The following PPM1H variants were observed in gnomAD, a reference collection of about 807,000 sequenced individuals.
The protein encoded by PPM1H is protein phosphatase 1H.
Under a neutral mutation model 54.9 loss-of-function variants are expected in PPM1H, and 27 were observed. That is an observed-to-expected ratio of 0.49 (90% CI 0.36 to 0.68). The LOEUF (loss-of-function observed/expected upper bound fraction) is 0.68. PPM1H is among the 30% of genes least tolerant of loss of function. The pLI, the probability that PPM1H is intolerant of heterozygous loss-of-function variation, is 0.00. For synonymous variants in PPM1H, 305 were observed against 270.8 expected, an observed-to-expected ratio of 1.13 and a Z score of -1.24; for missense variants, 596 against 667.8, an observed-to-expected ratio of 0.89 and a Z score of 1.19.
chr12:62,683,032 ATTTATT>A (rs2076029402), intron 8 of PPM1H, among the ~76,000 whole-genome samples: 2 of 126,356 alleles, frequency 1.6e-5, no homozygotes, highest in African/African-American at 5.8e-5. Flanking sequence ...AGAGTTTATT[ATTTATT>A]ATTATTATTA....
intron 1 of PPM1H, among the ~76,000 whole-genome samples, chr12:62,893,359 G>T (rs191135802): frequency 5.7e-4 from 87 of 152,254 alleles, no homozygotes; most frequent in Non-Finnish European, 8.1e-4. Flanking sequence ...CTCCTTGAAG[G>T]TGGTCTTCCC....
intron 1 of PPM1H, among the ~76,000 whole-genome samples, chr12:62,892,261 C>T (rs1870824941): frequency 6.6e-6 from 1 of 152,168 alleles, no homozygotes; most frequent in East Asian, 1.9e-4. Flanking sequence ...ATGTTCTACG[C>T]TTCAACAACA....
In PPM1H at chr12:62,697,721, A is replaced by G. The variant is rs189436836; in HGVS notation, c.1074-3722T>C. ...TGAATAGAGAGTGTCTAGTCATAGA[A>G]CCAATTCTTCTACACCACATCCTAA... is the stretch of plus-strand genomic sequence containing the variant. On this transcript the variant is annotated intron_variant, in intron 6 of 9. Transcript: ENST00000228705. Among the ~76,000 whole-genome samples the G allele has an allele frequency of 7.3e-3, 1,106 of 152,258 alleles. 13 individuals are homozygous for G. Among genetic ancestry groups the G allele is most frequent in the Non-Finnish European group, 9.6e-3 (650 of 68,016 alleles).
At chr12:62,903,078 G>T (rs1871205343) in intron 1 of PPM1H, among the ~76,000 whole-genome samples, 1 of 152,098 alleles carries the variant, frequency 6.6e-6, no homozygotes, top group South Asian at 2.1e-4. Flanking sequence ...CACTATGTGA[G>T]TTGTCACCCC....
chr12:62,750,427 A>T (rs2076436348), intron 4 of PPM1H, among the ~76,000 whole-genome samples: 1 of 152,252 alleles, frequency 6.6e-6, no homozygotes, highest in Non-Finnish European at 1.5e-5. Context: ...TTCAAGGTTC[A>T]TCCATGTTAC....
rs74426813 is a variant in PPM1H at position 62,920,923 on chromosome 12, T to A, written c.245+13569A>T. Among the ~76,000 whole-genome samples the A allele has an allele frequency of 8.7e-3, 1,325 of 152,088 alleles. 9 individuals are homozygous for A. The highest frequency in any genetic ancestry group is 0.026 in the African/African-American group (1,098 of 41,458). On this transcript the variant is annotated intron_variant, in intron 1 of 9. Coordinates refer to ENST00000228705, the MANE Select transcript of PPM1H (RefSeq NM_020700.2). Reference sequence around the variant, plus strand: ...AGCATTTTTATGTAATTAATTAATTTATTTATTTATTTATGTATTGAGACA... The same window carrying A: ...AGCATTTTTATGTAATTAATTAATTAATTTATTTATTTATGTATTGAGACA...
intron 1 of PPM1H, among the ~76,000 whole-genome samples, chr12:62,932,559 A>T (rs1162763296): frequency 7.3e-6 from 1 of 137,222 alleles, no homozygotes; most frequent in Admixed American, 7.7e-5. Context: ...AGTCACAAGG[A>T]CCCCCATCTA....
chr12:62,832,374 G>A (rs1158536433), intron 1 of PPM1H, 95 bp from the exon 2 acceptor site: 36 of 1,188,428 alleles, frequency 3.0e-5, no homozygotes, highest in Admixed American at 1.3e-4. Context: ...TCTACAACTG[G>A]CCCAGAACTA....
At chr12:62,774,236 A>T (rs1468949899) in intron 4 of PPM1H, among the ~76,000 whole-genome samples, 1 of 152,202 alleles carries the variant, frequency 6.6e-6, no homozygotes, top group Non-Finnish European at 1.5e-5. Flanking sequence ...ACTGTTATGC[A>T]GTTTGCTACG....
In PPM1H at chr12:62,934,125, GTACAGA is replaced by G. The variant is rs934681006; in HGVS notation, c.245+361_245+366del. On this transcript the variant is annotated intron_variant, in intron 1 of 9. Transcript: ENST00000228705. The surrounding 1 kb of genome is among the most constrained non-coding windows in gnomAD (Gnocchi z 4.2). ...TCAACTATATTTTGGGAGGGTGGGG[GTACAGA>G]TAGCAGATTTTCCTTATGTGTTTCA... 5.1e-6 allele frequency: 1 copy of G among 197,270 alleles called. No individual in the cohort carries two copies. The highest frequency in any genetic ancestry group is 2.3e-5 in the African/African-American group (1 of 43,096). 12.2% of individuals were successfully genotyped at this position (197,270 alleles called of 1,614,324 possible). A position where few individuals can be genotyped will look rare whatever the true frequency, so the allele number is the denominator to read the frequency against.
rs549303900 is a variant in PPM1H at position 62,680,271 on chromosome 12, C to T, written c.1245+9428G>A. 5.3e-5 allele frequency among the ~76,000 whole-genome samples: 8 copies of T among 150,816 alleles called. 1 individual carries two copies. In the South Asian group the frequency reaches 1.7e-3, roughly 32 times the overall value. ...TTCCCTCTTTCCTCTTTCCCCCTCC[C>T]CTCCCTCCCTTCCTTCCTTTACTTC... On this transcript the variant is annotated intron_variant, in intron 8 of 9. Transcript: ENST00000228705.
At chr12:62,798,607 C>T (rs1315747414) in intron 3 of PPM1H, among the ~76,000 whole-genome samples, 2 of 152,094 alleles carry the variant, frequency 1.3e-5, no homozygotes, top group African/African-American at 4.8e-5. Context: ...CTGAAAGGAA[C>T]AAACAGGGAA....
At chr12:62,841,357 AAAG>A (rs1868741871) in intron 1 of PPM1H, among the ~76,000 whole-genome samples, 1 of 152,200 alleles carries the variant, frequency 6.6e-6, no homozygotes, top group Admixed American at 6.5e-5. Context: ...TGGGGGGAAA[AAAG>A]AATATTTCAT....
chr12:62,755,129 G>C, intron 4 of PPM1H: 1 of 411,888 alleles, frequency 2.4e-6, no homozygotes, highest in Admixed American at 3.6e-5. Context: ...AATCTTATTT[G>C]TATATTTAAA....
intron 1 of PPM1H, among the ~76,000 whole-genome samples, chr12:62,878,039 A>C (rs1870243726): frequency 6.6e-6 from 1 of 152,080 alleles, no homozygotes; most frequent in Non-Finnish European, 1.5e-5. Context: ...CTGAGACTAC[A>C]GGCGCCCGCC....
chr12:62,898,345 A>G (rs1462411083), intron 1 of PPM1H, among the ~76,000 whole-genome samples: 58 of 152,186 alleles, frequency 3.8e-4, no homozygotes, highest in Non-Finnish European at 1.6e-4. Context: ...ACTTTTAATT[A>G]ATTCTTAATT....
chr12:62,904,197 G>C (rs930086652), intron 1 of PPM1H, among the ~76,000 whole-genome samples: 1 of 151,954 alleles, frequency 6.6e-6, no homozygotes, highest in Non-Finnish European at 1.5e-5. Flanking sequence ...GTAACAAAAA[G>C]GCCCACAAAC....
chr12:62,778,115 A>G (rs1454933196), intron 4 of PPM1H, among the ~76,000 whole-genome samples: 1 of 152,236 alleles, frequency 6.6e-6, no homozygotes, highest in Non-Finnish European at 1.5e-5. Flanking sequence ...TCAGGTAACA[A>G]AAGAGGTAAT....
intron 1 of PPM1H, among the ~76,000 whole-genome samples, chr12:62,930,829 T>C (rs1319541412): frequency 1.3e-5 from 2 of 151,776 alleles, no homozygotes; most frequent in African/African-American, 2.4e-5. Context: ...GCTTAGTAGA[T>C]GTTATCTATA....
Sources: allele counts gnomAD v4.1 joint callset (sites outside exome capture counted in the v4.1 genomes callset), GRCh38; gene constraint gnomAD v4.1.1; non-coding constraint Gnocchi (gnomAD v3.1); transcripts MANE v1.5; gene names NCBI Gene and HGNC (gene_info 2026-07-23, HGNC 2026-07-21).